Variants in FERRY3 observed in about 807,000 individuals in gnomAD.
The protein encoded by FERRY3 is protein C12orf4.
chr12:4,517,272 A>C, the FERRY3 span: 11 of 1,271,906 alleles, frequency 8.6e-6, no homozygotes, highest in East Asian at 2.9e-5. Flanking sequence ...TTTAGTAGAA[A>C]AAGAAAATAA....
chr12:4,495,634 G>A, the FERRY3 span, among the ~76,000 whole-genome samples: 15 of 152,178 alleles, frequency 9.9e-5, no homozygotes, highest in South Asian at 2.1e-4. Flanking sequence ...AGATTGTAAC[G>A]CAAGTTAAAA....
chr12:4,514,862 C>A, the FERRY3 span, among the ~76,000 whole-genome samples: 3 of 152,032 alleles, frequency 2.0e-5, no homozygotes, highest in African/African-American at 7.2e-5. Flanking sequence ...ACAATGTGCA[C>A]ATGTACCCTA....
the FERRY3 span, among the ~76,000 whole-genome samples, chr12:4,532,170 G>T: frequency 4.7e-5 from 7 of 148,150 alleles, no homozygotes; most frequent in Non-Finnish European, 1.0e-4. Flanking sequence ...TCTTCTTCCA[G>T]TGTGGCCCAG....
At chr12:4,504,192 A>G in the FERRY3 span, among the ~76,000 whole-genome samples, 9 of 152,210 alleles carry the variant, frequency 5.9e-5, no homozygotes, top group Non-Finnish European at 1.2e-4. Flanking sequence ...GGTTAAATGT[A>G]ATGTGTTCCC....
the FERRY3 span, chr12:4,490,377 A>T: frequency 1.7e-6 from 1 of 591,500 alleles, no homozygotes; most frequent in East Asian, 3.1e-5. Flanking sequence ...CCTTTATCAC[A>T]TCCAAATACT....
chr12:4,500,695 CA>C, the FERRY3 span, among the ~76,000 whole-genome samples: 1 of 152,082 alleles, frequency 6.6e-6, no homozygotes, highest in South Asian at 2.1e-4. Context: ...ACTCTGTCAC[CA>C]AGCTGGAGTG....
chr12:4,496,234 G>A, the FERRY3 span, among the ~76,000 whole-genome samples: 48 of 152,258 alleles, frequency 3.2e-4, no homozygotes, highest in Non-Finnish European at 4.4e-5. Context: ...TGGGTACTTA[G>A]AAAAAGTAAA....
At chr12:4,528,410 A>G in the FERRY3 span, among the ~76,000 whole-genome samples, 1 of 152,294 alleles carries the variant, frequency 6.6e-6, no homozygotes, top group African/African-American at 2.4e-5. Flanking sequence ...ATAAAGAACT[A>G]GAAAAAAATT....
the FERRY3 span, chr12:4,489,696 G>C: frequency 4.0e-6 from 3 of 742,250 alleles, no homozygotes; most frequent in Non-Finnish European, 2.2e-6. Flanking sequence ...TTTGTGGATT[G>C]AGCTGCAAGT....
the FERRY3 span, among the ~76,000 whole-genome samples, chr12:4,517,724 G>T: frequency 7.4e-5 from 11 of 149,254 alleles, no homozygotes; most frequent in African/African-American, 2.7e-4. Context: ...GAGAGAGAGA[G>T]AGAGAGAGAG....
At chr12:4,506,495 G>A in the FERRY3 span, among the ~76,000 whole-genome samples, 9 of 152,210 alleles carry the variant, frequency 5.9e-5, no homozygotes, top group East Asian at 5.8e-4. Flanking sequence ...ATGAATTATC[G>A]TTTCTAATAT....
At chr12:4,530,860 G>A in the FERRY3 span, among the ~76,000 whole-genome samples, 1 of 152,024 alleles carries the variant, frequency 6.6e-6, no homozygotes, top group Non-Finnish European at 1.5e-5. Flanking sequence ...CTCATCGGAG[G>A]AAACTGATAC....
At chr12:4,531,754 C>T in the FERRY3 span, among the ~76,000 whole-genome samples, 1 of 152,210 alleles carries the variant, frequency 6.6e-6, no homozygotes, top group African/African-American at 2.4e-5. Flanking sequence ...AACAACCTAC[C>T]TGTCTGTCAC....
chr12:4,517,213 A>C, the FERRY3 span: 1 of 1,516,846 alleles, frequency 6.6e-7, no homozygotes, highest in Non-Finnish European at 8.8e-7. Context: ...AACATTTACA[A>C]ACTTCTAAAT....
the FERRY3 span, among the ~76,000 whole-genome samples, chr12:4,526,868 CTTAT>C: frequency 6.6e-6 from 1 of 150,974 alleles, no homozygotes; most frequent in Non-Finnish European, 1.5e-5. Context: ...TGAATTTATA[CTTAT>C]TTATAACACT....
chr12:4,528,063 G>T, the FERRY3 span, among the ~76,000 whole-genome samples: 1 of 151,948 alleles, frequency 6.6e-6, no homozygotes, highest in Non-Finnish European at 1.5e-5. Flanking sequence ...AGTTTTCTAG[G>T]GGGTAGAGGC....
the FERRY3 span, chr12:4,488,363 A>G: frequency 6.6e-6 from 1 of 152,230 alleles, no homozygotes; most frequent in Non-Finnish European, 1.5e-5. The surrounding 1 kb of genome is among the most constrained non-coding windows in gnomAD (Gnocchi z 4.9). Context: ...CCTGCTTTGC[A>G]TTAGAATCAG....
chr12:4,506,655 A>G, the FERRY3 span, among the ~76,000 whole-genome samples: 4 of 152,158 alleles, frequency 2.6e-5, no homozygotes, highest in African/African-American at 7.2e-5. Flanking sequence ...TTCATAGTCC[A>G]TTTCCCTTTC....
chr12:4,499,589 T>G, the FERRY3 span, among the ~76,000 whole-genome samples: 1 of 152,236 alleles, frequency 6.6e-6, no homozygotes, highest in Non-Finnish European at 1.5e-5. Flanking sequence ...GGAAGAATGA[T>G]CATGCTACAT....
Sources: allele counts gnomAD v4.1 joint callset (sites outside exome capture counted in the v4.1 genomes callset), GRCh38; gene constraint gnomAD v4.1.1; non-coding constraint Gnocchi (gnomAD v3.1); transcripts MANE v1.5; gene names NCBI Gene and HGNC (gene_info 2026-07-23, HGNC 2026-07-21).